Variants in CACNA2D2 observed in about 807,000 individuals in gnomAD.
The protein encoded by CACNA2D2 is calcium voltage-gated channel auxiliary subunit alpha2delta 2.
CACNA2D2 carries 48 observed loss-of-function variants against 166.4 expected under a neutral mutation model. That is an observed-to-expected ratio of 0.29 (90% CI 0.23 to 0.37). The LOEUF is 0.37. CACNA2D2 is among the 10% of genes least tolerant of loss of function. CACNA2D2 has a pLI of 1.00. For missense variants in CACNA2D2, 1,122 were observed against 1,433.0 expected (o/e 0.78, Z 3.50); for synonymous variants, 561 against 573.7 (o/e 0.98, Z 0.32).
At chr3:50,407,171 G>A (rs897715019) in intron 3 of CACNA2D2, among the ~76,000 whole-genome samples, 1 of 151,784 alleles carries the variant, frequency 6.6e-6, no homozygotes, top group African/African-American at 2.4e-5. Context: ...AACGAGGTCA[G>A]GGGCCCACTG....
intron 2 of CACNA2D2, among the ~76,000 whole-genome samples, chr3:50,467,992 T>C (rs1709892337): frequency 6.6e-6 from 1 of 152,134 alleles, no homozygotes; most frequent in South Asian, 2.1e-4. Flanking sequence ...ACCAATTACT[T>C]CTCTGCCTCC....
intron 22 of CACNA2D2, among the ~76,000 whole-genome samples, chr3:50,373,486 G>A (rs1264016525): frequency 1.6e-5 from 2 of 123,800 alleles, no homozygotes; most frequent in Non-Finnish European, 3.4e-5. Context: ...AGAGGCAGGG[G>A]AGGAAGGAGG....
chr3:50,380,811 GGAGGA>G lies in CACNA2D2; in HGVS notation c.785-11_785-7del, dbSNP rs1449342965. 4.5e-6 allele frequency: 7 copies of G among 1,544,800 alleles called. No homozygotes were observed. The highest frequency in any genetic ancestry group is 1.2e-5 in the South Asian group (1 of 80,390). On this transcript the variant is annotated splice_polypyrimidine_tract_variant and splice_region_variant and intron_variant, in intron 7 of 37. Coordinates refer to ENST00000424201, the MANE Select transcript of CACNA2D2 (RefSeq NM_006030.4). This position sits in a 1 kb window ranked among gnomAD's most constrained non-coding sequence, Gnocchi z 4.9. The stretch of plus-strand genomic sequence containing the variant: ...GGGGGCTCGCCACGGGGTGGCTGAG[GGAGGA>G]GAGAAGGTGAGGGGGACTGGCAGGA...
At position 50,371,346 on chromosome 3, in the gene CACNA2D2, A is replaced by ATGTG. The variant is rs35155126; in HGVS notation, c.1985-970_1985-967dup. Among the ~76,000 whole-genome samples the ATGTG allele has an allele frequency of 3.9e-3, 574 of 148,492 alleles. 5 individuals are homozygous for ATGTG. The highest frequency in any genetic ancestry group is 1.0e-2 in the African/African-American group (403 of 40,418). On this transcript the variant is annotated intron_variant, in intron 22 of 37. Transcript: ENST00000424201. ...TGCATGTGTGGGTGAGTGAGCATGC[A>ATGTG]TGTGTGTGTGTGTGTGTGTGTGTGC...
At chr3:50,396,946 G>C (rs1193685898) in intron 3 of CACNA2D2, among the ~76,000 whole-genome samples, 1 of 152,192 alleles carries the variant, frequency 6.6e-6, no homozygotes, top group Admixed American at 6.5e-5. Flanking sequence ...TGACACTAGT[G>C]GGAGTCTCCA....
At chr3:50,434,283 C>T (rs368713538) in intron 3 of CACNA2D2, 30 bp downstream of exon 3, 64 of 1,522,374 alleles carry the variant, frequency 4.2e-5, no homozygotes, top group East Asian at 1.4e-4. Flanking sequence ...CCCTCAGTGC[C>T]GCCCCCCTGC....
intron 2 of CACNA2D2, among the ~76,000 whole-genome samples, chr3:50,467,965 G>A (rs1002724599): frequency 3.9e-5 from 6 of 152,212 alleles, no homozygotes; most frequent in East Asian, 1.9e-4. Flanking sequence ...CCCTGGGGCC[G>A]GCTGTGGTTT....
At chr3:50,457,715 G>A (rs1357094186) in intron 2 of CACNA2D2, among the ~76,000 whole-genome samples, 1 of 152,214 alleles carries the variant, frequency 6.6e-6, no homozygotes. Flanking sequence ...ATGATGCTGA[G>A]CGCAGAGACT....
At chr3:50,409,049 T>A (rs1209852130) in intron 3 of CACNA2D2, among the ~76,000 whole-genome samples, 2 of 152,226 alleles carry the variant, frequency 1.3e-5, no homozygotes, top group African/African-American at 2.4e-5. Context: ...GGCTGGACTT[T>A]CTGAGGGAGA....
At chr3:50,370,175 C>A in intron 23 of CACNA2D2, 145 bp downstream of exon 23, 1 of 664,188 alleles carries the variant, frequency 1.5e-6, no homozygotes. Context: ...ATGCACACAG[C>A]CGCGCATACC....
At position 50,365,203 on chromosome 3, in the gene CACNA2D2, G is replaced by C. The variant is rs1025075578; in HGVS notation, c.3099-19C>G. Reference sequence around the variant, plus strand: ...GAACAGCCTGCGGGCAGCCCGGAAAGGCGGGGCGTTGAGTTTGCCCCGCCC... The same window carrying C: ...GAACAGCCTGCGGGCAGCCCGGAAACGCGGGGCGTTGAGTTTGCCCCGCCC... On this transcript the variant is annotated intron_variant, in intron 35 of 37. Coordinates refer to ENST00000424201, the MANE Select transcript of CACNA2D2 (RefSeq NM_006030.4). This position sits in a 1 kb window ranked among gnomAD's most constrained non-coding sequence, Gnocchi z 4.5. The C allele has an allele frequency of 6.2e-7, 1 of 1,610,874 alleles. No individual in the cohort carries two copies. Among genetic ancestry groups the C allele is most frequent in the Non-Finnish European group, 8.5e-7 (1 of 1,179,084 alleles).
At position 50,404,886 on chromosome 3, in the gene CACNA2D2, C is replaced by T. The variant is rs530375439; in HGVS notation, c.406-10718G>A. Among the ~76,000 whole-genome samples the T allele has an allele frequency of 1.1e-4, 16 of 152,238 alleles. No individual in the cohort carries two copies. The South Asian group carries it at 2.5e-3, about 24-fold the overall frequency. On this transcript the variant is annotated intron_variant, in intron 3 of 37. Coordinates refer to ENST00000424201, the MANE Select transcript of CACNA2D2 (RefSeq NM_006030.4). ...CAGGAAGAGCTGCCTGGAATGGCAC[C>T]GTCACTGGAAGAATTTAGGGTGCTA...
intron 1 of CACNA2D2, among the ~76,000 whole-genome samples, chr3:50,502,938 C>A (rs1476092307): frequency 1.6e-5 from 2 of 127,696 alleles, no homozygotes; most frequent in Non-Finnish European, 3.6e-5. Context: ...CTCGGACCGC[C>A]CCCCCCCAAC....
intron 3 of CACNA2D2, among the ~76,000 whole-genome samples, chr3:50,406,226 G>A (rs1466035645): frequency 6.6e-6 from 1 of 151,796 alleles, no homozygotes; most frequent in Admixed American, 6.6e-5. Context: ...CAATCAGCCT[G>A]ACTCTAAAAG....
intron 1 of CACNA2D2, among the ~76,000 whole-genome samples, chr3:50,488,184 C>T (rs1698369603): frequency 6.6e-6 from 1 of 152,170 alleles, no homozygotes; most frequent in Admixed American, 6.5e-5. Flanking sequence ...CACAGTGATG[C>T]CCCGTGAGCA....
intron 2 of CACNA2D2, among the ~76,000 whole-genome samples, chr3:50,468,380 AGTGTGTGTGTGTGTGTGTGTGT>A (rs3220659): frequency 0.014 from 1,187 of 83,170 alleles, 18 homozygotes; most frequent in Non-Finnish European, 0.017. Context: ...TCATCAGAAT[AGTGTGTGTGTGTGTGTGTGTGT>A]GTGTGTGTGT....
At chr3:50,388,917 C>T (rs1284100729) in intron 4 of CACNA2D2, among the ~76,000 whole-genome samples, 1 of 152,252 alleles carries the variant, frequency 6.6e-6, no homozygotes, top group Non-Finnish European at 1.5e-5. Context: ...TGGGTAAGAC[C>T]ACAACTTCCT....
At position 50,376,232 on chromosome 3, in the gene CACNA2D2, G is replaced by C. The variant is rs1304764623; in HGVS notation, c.1627-44C>G. 1 of 1,592,750 alleles carries C rather than the reference G, an allele frequency of 6.3e-7. No individual in the cohort carries two copies. The highest frequency in any genetic ancestry group is 8.6e-7 in the Non-Finnish European group (1 of 1,163,278). On this transcript the variant is annotated intron_variant, in intron 17 of 37. Coordinates refer to ENST00000424201, the MANE Select transcript of CACNA2D2 (RefSeq NM_006030.4). This position sits in a 1 kb window ranked among gnomAD's most constrained non-coding sequence, Gnocchi z 4.3. Reference sequence around the variant, plus strand: ...GGCTCAGGGTCTGGAGGGATGGGCTGGGGTTCCCTGGGCTCCGGAGTTCTT... The same window carrying C: ...GGCTCAGGGTCTGGAGGGATGGGCTCGGGTTCCCTGGGCTCCGGAGTTCTT...
intron 1 of CACNA2D2, among the ~76,000 whole-genome samples, chr3:50,502,138 A>ACGCAGAGCCAGCCTCT (rs1160079679): frequency 2.0e-5 from 3 of 152,136 alleles, no homozygotes; most frequent in East Asian, 3.9e-4. Flanking sequence ...GGTTTAAATG[A>ACGCAGAGCCAGCCTCT]CGCAGAGCCA....
Sources: gnomAD v4.1 joint callset for allele counts (sites outside exome capture counted in the v4.1 genomes callset) on GRCh38, gnomAD v4.1.1 for gene constraint, Gnocchi (gnomAD v3.1) non-coding constraint, MANE v1.5 for transcripts, NCBI Gene and HGNC (gene_info 2026-07-23, HGNC 2026-07-21) for gene names.